The following CNTN5 variants were observed in gnomAD, a reference collection of about 807,000 sequenced individuals.
CNTN5 encodes contactin 5.
A neutral mutation model predicts 129.1 loss-of-function variants in CNTN5; 77 were observed. The ratio of observed to expected loss-of-function variants is 0.60; its 90% confidence interval spans 0.50 to 0.72. CNTN5 has a LOEUF of 0.72. CNTN5 is among the 30% of genes least tolerant of loss of function. The pLI is 0.00. For synonymous variants in CNTN5, 509 were observed against 465.6 expected, an observed-to-expected ratio of 1.09 and a Z score of -1.20; for missense variants, 1,478 against 1,328.8, an observed-to-expected ratio of 1.11 and a Z score of -1.75.
In CNTN5 at chr11:99,227,186, C is replaced by T. The variant is rs541183429; in HGVS notation, c.-209-98160C>T. 1.5e-4 allele frequency among the ~76,000 whole-genome samples: 23 copies of T among 151,858 alleles called. No homozygotes were observed. The South Asian group carries it at 4.8e-3, about 32-fold the overall frequency. On this transcript the variant is annotated intron_variant, in intron 1 of 24. Coordinates refer to ENST00000524871, the MANE Select transcript of CNTN5 (RefSeq NM_014361.4). The stretch of plus-strand genomic sequence containing the variant: ...CCATCCTGGGTAGCATGGTGAAACC[C>T]CGTCTGTACTAAAAATACAAAAAAT...
chr11:99,916,073 C>T lies in CNTN5; in HGVS notation c.597C>T (p.Gly199=), dbSNP rs780230695. The change falls in exon 7 of 25, where the codon GGC becomes GGT. Residue 199 remains glycine (G), a synonymous_variant. Transcript: ENST00000524871. The part of the protein sequence containing the change: ...LQFAYLGNFS[G]RTRSAVSVRE... Reference sequence around the variant, plus strand: ...TGACAGATCTGGGAAATTTTAGTGGCCGGACAAGAAGTGCAGTCTCTGTGA... The same window carrying T: ...TGACAGATCTGGGAAATTTTAGTGGTCGGACAAGAAGTGCAGTCTCTGTGA... 3.1e-6 allele frequency: 5 copies of T among 1,611,824 alleles called. No homozygotes were observed. In the South Asian group the frequency reaches 4.4e-5, roughly 14 times the overall value.
intron 13 of CNTN5, among the ~76,000 whole-genome samples, chr11:100,176,583 A>G (rs567178999): frequency 1.3e-5 from 2 of 152,140 alleles, no homozygotes; most frequent in Middle Eastern, 3.4e-3. Flanking sequence ...TGTAAAGTGG[A>G]TTAAGGATGA....
At chr11:99,995,276 T>C (rs1939368251) in intron 8 of CNTN5, among the ~76,000 whole-genome samples, 2 of 151,844 alleles carry the variant, frequency 1.3e-5, no homozygotes, top group Admixed American at 6.6e-5. Context: ...AGAAGCCAAA[T>C]CTTTGTGATA....
chr11:99,464,663 A>G (rs868841304), intron 2 of CNTN5, among the ~76,000 whole-genome samples: 1 of 152,176 alleles, frequency 6.6e-6, no homozygotes, highest in South Asian at 2.1e-4. Context: ...CAGTTTTACT[A>G]TTGGGAACCT....
chr11:99,663,623 A>G (rs1952677838), intron 3 of CNTN5, among the ~76,000 whole-genome samples: 1 of 152,186 alleles, frequency 6.6e-6, no homozygotes, highest in Non-Finnish European at 1.5e-5. Flanking sequence ...TGATTGGATT[A>G]GGGTGGTTTC....
At chr11:100,170,894 C>A (rs201656503) in intron 13 of CNTN5, among the ~76,000 whole-genome samples, 15 of 149,832 alleles carry the variant, frequency 1.0e-4, no homozygotes, top group South Asian at 4.2e-4. Context: ...GAAACAAAAA[C>A]AAAAAAAAAA....
intron 18 of CNTN5, among the ~76,000 whole-genome samples, chr11:100,281,996 A>AT (rs34162956): frequency 0.06 from 7,340 of 123,100 alleles, 588 homozygotes; most frequent in African/African-American, 0.2. Flanking sequence ...TTGGCATTCT[A>AT]TTTTTTTTTT....
At chr11:99,792,451 A>T (rs559460567) in intron 3 of CNTN5, among the ~76,000 whole-genome samples, 1 of 151,018 alleles carries the variant, frequency 6.6e-6, no homozygotes, top group Non-Finnish European at 1.5e-5. Context: ...TAGGTTTTTG[A>T]TGTGCTGCTG....
intron 1 of CNTN5, among the ~76,000 whole-genome samples, chr11:99,169,185 G>A (rs1861031403): frequency 6.6e-6 from 1 of 152,102 alleles, no homozygotes; most frequent in Admixed American, 6.6e-5. Flanking sequence ...CCTTATTTTA[G>A]AAAACTTTTT....
At chr11:99,557,525 T>A (rs1238575313) in intron 3 of CNTN5, among the ~76,000 whole-genome samples, 1 of 151,446 alleles carries the variant, frequency 6.6e-6, no homozygotes, top group Non-Finnish European at 1.5e-5. Context: ...AAACTGCAGA[T>A]TGTCTAAAGA....
At chr11:99,173,367 C>T (rs1036853680) in intron 1 of CNTN5, among the ~76,000 whole-genome samples, 2 of 152,124 alleles carry the variant, frequency 1.3e-5, no homozygotes, top group African/African-American at 4.8e-5. Context: ...AGAACCAAGC[C>T]ATCCCAAGTA....
chr11:100,273,693 A>G (rs1950449927), intron 18 of CNTN5, among the ~76,000 whole-genome samples: 1 of 152,112 alleles, frequency 6.6e-6, no homozygotes, highest in African/African-American at 2.4e-5. Context: ...CCTCAACTGC[A>G]TTGCCTCCGC....
intron 2 of CNTN5, among the ~76,000 whole-genome samples, chr11:99,438,540 A>G (rs1015270749): frequency 2.0e-5 from 3 of 151,926 alleles, no homozygotes; most frequent in African/African-American, 7.2e-5. Context: ...TTATCTCTTC[A>G]TATCTCTCTC....
At chr11:99,823,562 CCTA>C (rs1946864533) in intron 4 of CNTN5, among the ~76,000 whole-genome samples, 2 of 151,942 alleles carry the variant, frequency 1.3e-5, no homozygotes. Flanking sequence ...TTCCAATTGT[CCTA>C]CTATTTTAAG....
At chr11:99,282,693 A>G (rs1268787351) in intron 1 of CNTN5, among the ~76,000 whole-genome samples, 1 of 152,074 alleles carries the variant, frequency 6.6e-6, no homozygotes, top group Non-Finnish European at 1.5e-5. Context: ...GTTACCACTG[A>G]CTGTTGTGTG....
chr11:100,177,846 A>G (rs562815966), intron 13 of CNTN5, among the ~76,000 whole-genome samples: 1 of 152,162 alleles, frequency 6.6e-6, no homozygotes, highest in East Asian at 1.9e-4. Context: ...GTCAACCCAG[A>G]TGACGTCATA....
chr11:99,689,903 T>G (rs1202516717), intron 3 of CNTN5, among the ~76,000 whole-genome samples: 1 of 152,202 alleles, frequency 6.6e-6, no homozygotes, highest in Non-Finnish European at 1.5e-5. Flanking sequence ...TTTGATAGTT[T>G]ATTTTGCTGT....
chr11:99,066,185 C>T (rs1047882847), intron 1 of CNTN5, among the ~76,000 whole-genome samples: 1 of 152,138 alleles, frequency 6.6e-6, no homozygotes, highest in African/African-American at 2.4e-5. Flanking sequence ...CTCACTGCAA[C>T]CTTCGCCTCC....
intron 15 of CNTN5, among the ~76,000 whole-genome samples, chr11:100,208,921 G>T (rs1260312300): frequency 7.2e-5 from 11 of 152,130 alleles, no homozygotes; most frequent in Non-Finnish European, 1.6e-4. Flanking sequence ...TGGTGAAGGG[G>T]GCAGCTAGGA....
Sources: gnomAD v4.1 joint callset for allele counts (sites outside exome capture counted in the v4.1 genomes callset) on GRCh38, gnomAD v4.1.1 for gene constraint, MANE v1.5 for transcripts, NCBI Gene and HGNC (gene_info 2026-07-23, HGNC 2026-07-21) for gene names.